Variants in LTBP1 observed in about 807,000 individuals in gnomAD.
LTBP1 encodes latent transforming growth factor beta binding protein 1, also known as latent-transforming growth factor beta-binding protein 1.
A neutral mutation model predicts 207.6 loss-of-function variants in LTBP1; 129 were observed. That is an observed-to-expected ratio of 0.62 (90% CI 0.54 to 0.72). The LOEUF is 0.72. LTBP1 is among the 30% of genes least tolerant of loss of function. The pLI, the probability that LTBP1 is intolerant of heterozygous loss-of-function variation, is 0.00. For missense variants in LTBP1, 2,281 were observed against 2,217.2 expected (o/e 1.03, Z -0.58); for synonymous variants, 963 against 833.7 (o/e 1.16, Z -2.67).
At chr2:33,030,480 C>T (rs773274129) in intron 3 of LTBP1, among the ~76,000 whole-genome samples, 3 of 152,110 alleles carry the variant, frequency 2.0e-5, no homozygotes, top group South Asian at 2.1e-4. Context: ...CAGAAAAAAC[C>T]ATTTCCGTGT....
In LTBP1 at chr2:33,110,616, C is replaced by T; in HGVS notation, c.898C>T (p.His300Tyr). 6.2e-7 allele frequency: 1 copy of T among 1,614,040 alleles called. No homozygotes were observed. Among genetic ancestry groups the T allele is most frequent in the South Asian group, 1.1e-5 (1 of 91,032 alleles). ...TCTTTCTTCCCAGAGTGTGGTGATT[C>T]ACCATGGCCAGACCCAGGAATACGT... ...TPLSSQSVVI[H>Y]HGQTQEYVLK... Residue 300 changes from histidine to tyrosine, a missense_variant, in exon 4 of 34, where the codon CAC becomes TAC. Physicochemically the swap from His to Tyr is moderately conservative, Grantham distance 83. Coordinates refer to ENST00000404816, the MANE Select transcript of LTBP1 (RefSeq NM_206943.4).
chr2:33,276,919 C>T (rs1259493028), intron 18 of LTBP1, among the ~76,000 whole-genome samples: 1 of 152,192 alleles, frequency 6.6e-6, no homozygotes, highest in Non-Finnish European at 1.5e-5. Flanking sequence ...TGAAGAAATA[C>T]ACTGACCTTC....
chr2:33,322,235 T>C (rs1406046722), intron 24 of LTBP1, among the ~76,000 whole-genome samples: 1 of 151,876 alleles, frequency 6.6e-6, no homozygotes, highest in Non-Finnish European at 1.5e-5. Context: ...AGCCAAAAAA[T>C]AGGCAGAAGA....
intron 5 of LTBP1, among the ~76,000 whole-genome samples, chr2:33,178,682 A>G (rs979713668): frequency 2.0e-5 from 3 of 152,208 alleles, no homozygotes; most frequent in Admixed American, 1.3e-4. Flanking sequence ...GGTAACAAAA[A>G]GAGTAATGTC....
chr2:33,377,265 G>A (rs2095152363), intron 31 of LTBP1, among the ~76,000 whole-genome samples: 1 of 152,224 alleles, frequency 6.6e-6, no homozygotes, highest in African/African-American at 2.4e-5. Flanking sequence ...ACGCCGACCA[G>A]GGAGGACCAG....
chr2:33,373,500 C>T (rs1437283692), intron 31 of LTBP1, among the ~76,000 whole-genome samples: 1 of 152,158 alleles, frequency 6.6e-6, no homozygotes, highest in African/African-American at 2.4e-5. Context: ...TGAGTCAAAG[C>T]AATGTCAGTA....
intron 25 of LTBP1, among the ~76,000 whole-genome samples, chr2:33,343,410 CAA>C (rs60879811): frequency 4.9e-4 from 48 of 97,128 alleles, no homozygotes; most frequent in Non-Finnish European, 4.7e-4. Flanking sequence ...GACCCTGTCT[CAA>C]AAAAAAAAAA....
intron 2 of LTBP1, among the ~76,000 whole-genome samples, chr2:32,975,129 G>A (rs757053428): frequency 5.9e-5 from 9 of 152,194 alleles, no homozygotes; most frequent in East Asian, 3.9e-4. Context: ...TCTTCTTTGC[G>A]TATGATGCAT....
intron 8 of LTBP1, among the ~76,000 whole-genome samples, chr2:33,219,833 G>A (rs77754525): frequency 0.031 from 4,761 of 152,046 alleles, 98 homozygotes; most frequent in Middle Eastern, 0.14. Flanking sequence ...AGACATTAAA[G>A]GTAAAGAGAT....
intron 2 of LTBP1, among the ~76,000 whole-genome samples, chr2:32,958,279 A>G (rs888645536): frequency 6.6e-6 from 1 of 152,184 alleles, no homozygotes; most frequent in Non-Finnish European, 1.5e-5. Flanking sequence ...TAATACATTA[A>G]AAACGCATAG....
At chr2:33,209,215 T>C (rs2090113597) in intron 7 of LTBP1, among the ~76,000 whole-genome samples, 1 of 152,114 alleles carries the variant, frequency 6.6e-6, no homozygotes, top group African/African-American at 2.4e-5. Context: ...CCATTTCTTC[T>C]AGGGATGGAG....
At chr2:32,950,506 C>T (rs1341553423) in intron 2 of LTBP1, among the ~76,000 whole-genome samples, 2 of 150,396 alleles carry the variant, frequency 1.3e-5, no homozygotes, top group Non-Finnish European at 2.9e-5. Context: ...TTGCAGTGAG[C>T]CGAGATCGCT....
chr2:33,341,378 T>G (rs2094618067), intron 24 of LTBP1, among the ~76,000 whole-genome samples: 1 of 151,524 alleles, frequency 6.6e-6, no homozygotes, highest in South Asian at 2.1e-4. Context: ...GGGATGTAGG[T>G]TTTTTGTTTG....
At chr2:33,063,035 G>C (rs2077342695) in intron 3 of LTBP1, 1 of 152,174 alleles carries the variant, frequency 6.6e-6, no homozygotes, top group Admixed American at 6.5e-5. Context: ...TGAAACAGCA[G>C]AAAGCAAACC....
intron 22 of LTBP1, among the ~76,000 whole-genome samples, chr2:33,302,284 C>G (rs947069222): frequency 6.6e-6 from 1 of 152,160 alleles, no homozygotes; most frequent in African/African-American, 2.4e-5. Context: ...AAGTAACAAG[C>G]TTTTTCCCAG....
intron 4 of LTBP1, among the ~76,000 whole-genome samples, chr2:33,119,906 T>G (rs1345112800): frequency 6.6e-6 from 1 of 152,178 alleles, no homozygotes; most frequent in Non-Finnish European, 1.5e-5. Flanking sequence ...AAAAAGGGCT[T>G]TGTGTTATTT....
At chr2:33,087,756 T>G (rs2078846341) in intron 3 of LTBP1, among the ~76,000 whole-genome samples, 1 of 152,252 alleles carries the variant, frequency 6.6e-6, no homozygotes, top group African/African-American at 2.4e-5. Flanking sequence ...AAGCAGAATT[T>G]GCTTTCCTTT....
intron 5 of LTBP1, among the ~76,000 whole-genome samples, chr2:33,155,533 G>A (rs974562776): frequency 1.3e-5 from 2 of 152,008 alleles, no homozygotes; most frequent in Admixed American, 1.3e-4. Context: ...TGTTTTGAGG[G>A]TTTGTCCTGT....
chr2:33,388,717 C>G (rs983275409), intron 31 of LTBP1, among the ~76,000 whole-genome samples: 1 of 152,168 alleles, frequency 6.6e-6, no homozygotes, highest in Non-Finnish European at 1.5e-5. Context: ...GCATCCTTGC[C>G]TGGTGCTGTA....
Sources: allele counts gnomAD v4.1 joint callset (sites outside exome capture counted in the v4.1 genomes callset), GRCh38; gene constraint gnomAD v4.1.1; transcripts MANE v1.5; gene names NCBI Gene and HGNC (gene_info 2026-07-23, HGNC 2026-07-21).